LIMD1: variants seen among roughly 807,000 people sequenced by gnomAD.
LIMD1 encodes LIM domain containing 1, also known as LIM domain-containing protein 1.
In LIMD1, 23 loss-of-function variants were observed where a neutral mutation model predicts 58.4. That is an observed-to-expected ratio of 0.39 (90% CI 0.28 to 0.56). The LOEUF is 0.56. Ranked by LOEUF, LIMD1 falls within the 20% of genes least tolerant of loss-of-function variation. The probability of loss-of-function intolerance (pLI) is 0.57; values close to 1 mark genes in which losing one functional copy is unlikely to be tolerated. For missense variants in LIMD1, 838 were observed against 855.5 expected (o/e 0.98, Z 0.25); for synonymous variants, 334 against 345.5 (o/e 0.97, Z 0.37).
At chr3:45,616,271 C>T (rs149408237) in intron 1 of LIMD1, among the ~76,000 whole-genome samples, 273 of 152,302 alleles carry the variant, frequency 1.8e-3, no homozygotes, top group African/African-American at 6.2e-3. Flanking sequence ...GATCTCTTGC[C>T]AGCATCTTCC....
chr3:45,676,997 T>C lies in LIMD1; in HGVS notation c.1969T>C (p.Cys657Arg), dbSNP rs1253080565. 6.2e-7 allele frequency: 1 copy of C among 1,613,884 alleles called. No homozygotes were observed. Among genetic ancestry groups the C allele is most frequent in the Non-Finnish European group, 8.5e-7 (1 of 1,179,866 alleles). Residue 657 changes from cysteine (C) to arginine (R), a missense_variant, in exon 8 of 8, where the codon TGC becomes CGC. Coordinates refer to ENST00000273317, the MANE Select transcript of LIMD1 (RefSeq NM_014240.3). ...PLEDHLFCHS[C>R]HVKRLEKRPS... ...GGAGGACCACCTGTTCTGTCACTCC[T>C]GCCACGTGAAGAGGCTGGAGAAGAG...
In LIMD1 at chr3:45,673,615, T is replaced by C. The variant is rs559774199; in HGVS notation, c.1824+110T>C. The C allele has an allele frequency of 5.3e-4, 521 of 977,968 alleles. 1 individual carries two copies. The African/African-American group carries it at 7.0e-3, about 13-fold the overall frequency. The allele number at this position is 977,968 out of a possible 1,614,324, so 60.6% of individuals were successfully genotyped here. A position where few individuals can be genotyped will look rare whatever the true frequency, so the allele number is the denominator to read the frequency against. On this transcript the variant is annotated intron_variant, in intron 6 of 7. Transcript: ENST00000273317. ...CCTTACAGCTTTTAAGGTATCCTTTTAAAAATCTCAACTCTGGCCTGGTGC... is the reference window on the plus strand; with the variant it reads ...CCTTACAGCTTTTAAGGTATCCTTTCAAAAATCTCAACTCTGGCCTGGTGC...
chr3:45,651,655 G>T (rs1701975527), intron 2 of LIMD1, among the ~76,000 whole-genome samples: 1 of 151,258 alleles, frequency 6.6e-6, no homozygotes, highest in African/African-American at 2.4e-5. Context: ...TTTTTAAGAT[G>T]GAGTCTTGCC....
chr3:45,654,812 C>CAAAAAAAAAAAAAA (rs1227980901), intron 2 of LIMD1, among the ~76,000 whole-genome samples: 2 of 56,514 alleles, frequency 3.5e-5, no homozygotes, highest in Non-Finnish European at 7.8e-5. Context: ...GACCCTGTCT[C>CAAAAAAAAAAAAAA]AAAAAAAAAA....
intron 1 of LIMD1, among the ~76,000 whole-genome samples, chr3:45,606,389 A>T (rs930645706): frequency 6.6e-6 from 1 of 151,994 alleles, no homozygotes. Context: ...GTCTTTTTGT[A>T]CTCTGGTGGA....
At chr3:45,653,331 C>A (rs1701993080) in intron 2 of LIMD1, among the ~76,000 whole-genome samples, 1 of 152,170 alleles carries the variant, frequency 6.6e-6, no homozygotes, top group African/African-American at 2.4e-5. Flanking sequence ...GCAACAGTCA[C>A]ACCAGATGCC....
chr3:45,596,882 G>C, intron 1 of LIMD1, among the ~76,000 whole-genome samples: 1 of 132,906 alleles, frequency 7.5e-6, no homozygotes, highest in South Asian at 2.4e-4. Context: ...TTTTTTTTGA[G>C]ATGGAGTCTC....
chr3:45,626,004 A>G (rs1284794465), intron 1 of LIMD1, among the ~76,000 whole-genome samples: 1 of 152,238 alleles, frequency 6.6e-6, no homozygotes, highest in East Asian at 1.9e-4. Context: ...CCTACCTAGT[A>G]TAAAATCATA....
At chr3:45,651,886 C>T (rs1701977659) in intron 2 of LIMD1, among the ~76,000 whole-genome samples, 1 of 151,928 alleles carries the variant, frequency 6.6e-6, no homozygotes, top group Non-Finnish European at 1.5e-5. Flanking sequence ...CCTGCCTCGG[C>T]CTCCCAAAGT....
Position 45,684,064 on chromosome 3 carries a change from TCTAGGTGTAAAAAAA to T in LIMD1, c.*7007_*7021del, listed in dbSNP as rs1002362884. The T allele has an allele frequency of 6.8e-6, 1 of 147,010 alleles. No homozygotes were observed. The highest frequency in any genetic ancestry group is 6.7e-5 in the Admixed American group (1 of 14,972). The allele number at this position is 147,010 out of a possible 1,614,324, so 9.1% of individuals were successfully genotyped here. On this transcript the variant is annotated 3_prime_UTR_variant, in exon 8 of 8. Transcript: ENST00000273317. ...CACAAACATGATTGAGACCTTGTAC[TCTAGGTGTAAAAAAA>T]CAGAGTAGGTCATACTCTGTGGGTT...
intron 2 of LIMD1, among the ~76,000 whole-genome samples, 160 bp from the exon 3 acceptor site, chr3:45,665,490 G>A (rs533363920): frequency 3.0e-3 from 462 of 152,266 alleles, no homozygotes; most frequent in Middle Eastern, 0.014. Flanking sequence ...GCCTCTCGCC[G>A]AGGGCCACGG....
At position 45,636,272 on chromosome 3, in the gene LIMD1, C is replaced by T. The variant is rs748699835; in HGVS notation, c.1510+21C>T. On this transcript the variant is annotated intron_variant, in intron 2 of 7. Coordinates refer to ENST00000273317, the MANE Select transcript of LIMD1 (RefSeq NM_014240.3). ...TTGCAGTAAGTGTGGGTGTGGGTGT[C>T]GGGTGTGTGGGGGATGCGTAAGGAA... 1.4e-5 allele frequency: 22 copies of T among 1,548,752 alleles called. No individual in the cohort carries two copies. The East Asian group carries it at 2.1e-4, about 15-fold the overall frequency.
At chr3:45,675,852 C>T (rs892018680) in intron 7 of LIMD1, among the ~76,000 whole-genome samples, 115 of 152,182 alleles carry the variant, frequency 7.6e-4, no homozygotes, top group Non-Finnish European at 3.4e-4. Context: ...ACTAAAAATA[C>T]AAAAATTAGC....
chr3:45,653,193 C>T (rs11709753), intron 2 of LIMD1, among the ~76,000 whole-genome samples: 28,509 of 152,162 alleles, frequency 0.19, 3,102 homozygotes, highest in Non-Finnish European at 0.25. Flanking sequence ...TAGCCCTTTG[C>T]CACAGATAAA....
chr3:45,607,892 C>T (rs905224099), intron 1 of LIMD1, among the ~76,000 whole-genome samples: 15 of 152,230 alleles, frequency 9.9e-5, no homozygotes, highest in Admixed American at 3.3e-4. Flanking sequence ...CAGGGTGGAA[C>T]CAAGTTATGG....
intron 4 of LIMD1, 99 bp downstream of exon 4, chr3:45,668,455 T>A (rs1575366713): frequency 1.0e-6 from 1 of 974,762 alleles, no homozygotes; most frequent in African/African-American, 1.6e-5. Context: ...TTTCTTATCT[T>A]GATTTGTGGT....
chr3:45,682,943 CGG>C lies in LIMD1; in HGVS notation c.*5885_*5886del, dbSNP rs1697763082. On this transcript the variant is annotated 3_prime_UTR_variant, in exon 8 of 8. Transcript: ENST00000273317. Reference sequence around the variant, plus strand: ...ATCCTGGACACGAGCCAAAGGTTGTCGGCAGAAGCGAATTGCTTCCAGAGGTG... The same window carrying C: ...ATCCTGGACACGAGCCAAAGGTTGTCCAGAAGCGAATTGCTTCCAGAGGTG... 6.6e-6 allele frequency: 1 copy of C among 152,244 alleles called. No individual in the cohort carries two copies. The highest frequency in any genetic ancestry group is 2.4e-5 in the African/African-American group (1 of 41,450). 9.4% of individuals were successfully genotyped at this position (152,244 alleles called of 1,614,324 possible). A position where few individuals can be genotyped will look rare whatever the true frequency, so the allele number is the denominator to read the frequency against.
At chr3:45,670,918 G>A (rs1697579385) in intron 4 of LIMD1, among the ~76,000 whole-genome samples, 1 of 152,160 alleles carries the variant, frequency 6.6e-6, no homozygotes, top group Non-Finnish European at 1.5e-5. Context: ...GGTACATTCT[G>A]GGCTTGCAGG....
intron 3 of LIMD1, 123 bp downstream of exon 3, chr3:45,665,840 C>G (rs1164490061): frequency 1.2e-6 from 1 of 803,058 alleles, no homozygotes; most frequent in Non-Finnish European, 2.1e-6. Context: ...CCTGCCTTTC[C>G]TTCTGTAGAT....
Sources: allele counts gnomAD v4.1 joint callset (sites outside exome capture counted in the v4.1 genomes callset), GRCh38; gene constraint gnomAD v4.1.1; transcripts MANE v1.5; gene names NCBI Gene and HGNC (gene_info 2026-07-23, HGNC 2026-07-21).